SOBP: variants seen among roughly 807,000 people sequenced by gnomAD.
SOBP encodes the protein sine oculis-binding protein homolog.
SOBP carries 4 observed loss-of-function variants against 53.6 expected under a neutral mutation model. The ratio of observed to expected loss-of-function variants is 0.07; its 90% confidence interval spans 0.04 to 0.17. The LOEUF is 0.17. SOBP is among the 10% of genes least tolerant of loss of function. The pLI, the probability that SOBP is intolerant of heterozygous loss-of-function variation, is 1.00. For synonymous variants in SOBP, 584 were observed against 522.6 expected, an observed-to-expected ratio of 1.12 and a Z score of -1.60; for missense variants, 1,088 against 1,204.7, an observed-to-expected ratio of 0.90 and a Z score of 1.43.
At chr6:107,508,040 AT>A (rs1319542490) in intron 3 of SOBP, among the ~76,000 whole-genome samples, 1 of 152,170 alleles carries the variant, frequency 6.6e-6, no homozygotes, top group Non-Finnish European at 1.5e-5. Context: ...ATTTTTCTGT[AT>A]GTTGAATTGA....
At chr6:107,581,021 G>A (rs973149926) in intron 4 of SOBP, among the ~76,000 whole-genome samples, 55 of 152,294 alleles carry the variant, frequency 3.6e-4, no homozygotes, top group African/African-American at 1.2e-3. Flanking sequence ...TTATTCATTC[G>A]CTCACTCGGT....
At chr6:107,655,720 AGG>A (rs1772004587) in intron 6 of SOBP, among the ~76,000 whole-genome samples, 1 of 152,202 alleles carries the variant, frequency 6.6e-6, no homozygotes, top group African/African-American at 2.4e-5. Context: ...GCTGTAGTTA[AGG>A]TTCCAGAATG....
intron 3 of SOBP, among the ~76,000 whole-genome samples, chr6:107,524,563 C>G (rs1296324488): frequency 6.6e-6 from 1 of 152,230 alleles, no homozygotes; most frequent in Non-Finnish European, 1.5e-5. Flanking sequence ...ATTGCCTTCT[C>G]TGTATTTGAT....
chr6:107,502,187 G>A (rs987986512), intron 1 of SOBP, among the ~76,000 whole-genome samples: 5 of 152,202 alleles, frequency 3.3e-5, no homozygotes, highest in South Asian at 2.1e-4. Context: ...AAGAAAACAC[G>A]GAACTCACAC....
Position 107,635,493 on chromosome 6 carries a change from C to T in SOBP, c.*3+24C>T, listed in dbSNP as rs369251274. 1.2e-4 allele frequency: 186 copies of T among 1,611,056 alleles called. No homozygotes were observed. The African/African-American group carries it at 2.4e-3, about 21-fold the overall frequency. On this transcript the variant is annotated intron_variant, in intron 6 of 6. Coordinates refer to ENST00000317357, the MANE Select transcript of SOBP (RefSeq NM_018013.4). This position sits in a 1 kb window ranked among gnomAD's most constrained non-coding sequence, Gnocchi z 4.5. ...AGGTTTGTATGTCCGCCGGGCGCTC[C>T]TCCACACCAGCCAGTGCACCTCTCC...
intron 6 of SOBP, chr6:107,636,465 A>G (rs1771048031): frequency 6.6e-6 from 1 of 152,254 alleles, no homozygotes. Flanking sequence ...AAGGAGGCAG[A>G]TGAAGCTTAG....
chr6:107,506,371 G>A lies in SOBP; in HGVS notation c.365G>A (p.Gly122Asp), dbSNP rs774226437. The A allele has an allele frequency of 2.5e-6, 4 of 1,614,084 alleles. No individual in the cohort carries two copies. Among genetic ancestry groups the A allele is most frequent in the Non-Finnish European group, 3.4e-6 (4 of 1,180,036 alleles). The change falls in exon 3 of 7, where the codon GGC becomes GAC. Residue 122 changes from glycine (G) to aspartate (D), a missense_variant. Physicochemically the swap from Gly to Asp is moderately conservative, Grantham distance 94 (BLOSUM62 -1). This residue lies in a region of SOBP where 112 missense variants were observed against 117.9 expected (regional missense o/e 0.95). Coordinates refer to ENST00000317357, the MANE Select transcript of SOBP (RefSeq NM_018013.4). ...TCACCTGCAGGGTCAAAGGATCATG[G>A]CAGTGTGCCCATTATTGTACCTTTA... ...SDSPAGSKDH[G>D]SVPIIVPLIP...
intron 3 of SOBP, among the ~76,000 whole-genome samples, chr6:107,507,767 T>C (rs956708493): frequency 6.6e-6 from 1 of 152,328 alleles, no homozygotes; most frequent in Admixed American, 6.5e-5. Flanking sequence ...TTCTAATTCC[T>C]GGAAAGCTCT....
In SOBP at chr6:107,579,866, C is replaced by T. The variant is rs532199114; in HGVS notation, c.574-7214C>T. Among the ~76,000 whole-genome samples the T allele has an allele frequency of 2.6e-5, 4 of 152,226 alleles. No individual in the cohort carries two copies. The East Asian group carries it at 7.7e-4, about 29-fold the overall frequency. On this transcript the variant is annotated intron_variant, in intron 4 of 6. Coordinates refer to ENST00000317357, the MANE Select transcript of SOBP (RefSeq NM_018013.4). Reference sequence around the variant, plus strand: ...GCTGCAGCAAATAAGTCCATCTCATCCATCAGAGGTGTGTGAGCTGTCAGA... The same window carrying T: ...GCTGCAGCAAATAAGTCCATCTCATTCATCAGAGGTGTGTGAGCTGTCAGA...
intron 4 of SOBP, among the ~76,000 whole-genome samples, chr6:107,579,365 C>T (rs1312172574): frequency 2.0e-5 from 3 of 152,120 alleles, no homozygotes; most frequent in African/African-American, 7.2e-5. Context: ...CTCAGGTGAC[C>T]TGAGAAAGAG....
At chr6:107,597,008 C>T (rs1282045539) in intron 5 of SOBP, among the ~76,000 whole-genome samples, 1 of 152,128 alleles carries the variant, frequency 6.6e-6, no homozygotes, top group Non-Finnish European at 1.5e-5. Context: ...TTTTGGTGTT[C>T]TGATCTCATT....
intron 3 of SOBP, among the ~76,000 whole-genome samples, chr6:107,530,451 G>A (rs1427273197): frequency 6.6e-6 from 1 of 152,038 alleles, no homozygotes; most frequent in African/African-American, 2.4e-5. Flanking sequence ...ACCATCTCAT[G>A]TCTGATGACA....
At chr6:107,545,135 T>C (rs577438560) in intron 4 of SOBP, among the ~76,000 whole-genome samples, 4 of 152,320 alleles carry the variant, frequency 2.6e-5, no homozygotes, top group African/African-American at 9.6e-5. Context: ...GTGTAATTAC[T>C]GTCTGATGAA....
At chr6:107,602,975 A>C (rs978494844) in intron 5 of SOBP, among the ~76,000 whole-genome samples, 2 of 151,152 alleles carry the variant, frequency 1.3e-5, no homozygotes, top group Non-Finnish European at 2.9e-5. Context: ...TCCCCCACAA[A>C]AAAAAAAAAC....
At chr6:107,491,492 G>A (rs976465425) in intron 1 of SOBP, among the ~76,000 whole-genome samples, 2 of 152,276 alleles carry the variant, frequency 1.3e-5, no homozygotes, top group African/African-American at 4.8e-5. Flanking sequence ...TGCACCAGAG[G>A]TGGAGAGCGC....
chr6:107,490,711 A>ACCCACC lies in SOBP; in HGVS notation c.95_96insCCCACC (p.Lys32delinsAsnProPro). 1 of 1,598,202 alleles carries ACCCACC rather than the reference A, an allele frequency of 6.3e-7. No homozygotes were observed. ...AAAAGGGAGATCAATGAGGAGATGA[A>ACCCACC]GGTATTTTTTGATCTCGGGGGCCAG... On this transcript the variant is annotated protein_altering_variant and splice_region_variant, in exon 1 of 7. Transcript: ENST00000317357.
At chr6:107,545,531 A>G (rs534476817) in intron 4 of SOBP, among the ~76,000 whole-genome samples, 1 of 152,324 alleles carries the variant, frequency 6.6e-6, no homozygotes, top group South Asian at 2.1e-4. Context: ...ACCTAAAGTC[A>G]TGATGACAAC....
intron 4 of SOBP, among the ~76,000 whole-genome samples, chr6:107,544,468 C>T (rs368744224): frequency 6.6e-5 from 10 of 152,274 alleles, no homozygotes; most frequent in East Asian, 5.8e-4. Context: ...AATGTGAAGT[C>T]GTCACTGTGG....
Position 107,490,575 on chromosome 6 carries a change from G to T in SOBP, c.-42G>T. ...CGCCGCCACCACCACCGCCGGCGGCGGCAGCAGCCATTTCATCTCCACAGA... is the reference window on the plus strand; with the variant it reads ...CGCCGCCACCACCACCGCCGGCGGCTGCAGCAGCCATTTCATCTCCACAGA... On this transcript the variant is annotated 5_prime_UTR_variant, in exon 1 of 7. Transcript: ENST00000317357. 1 of 1,486,226 alleles carries T rather than the reference G, an allele frequency of 6.7e-7. No homozygotes were observed. The highest frequency in any genetic ancestry group is 9.2e-7 in the Non-Finnish European group (1 of 1,083,174). 92.1% of individuals were successfully genotyped at this position (1,486,226 alleles called of 1,614,324 possible). A position where few individuals can be genotyped will look rare whatever the true frequency, so the allele number is the denominator to read the frequency against.
Sources: gnomAD v4.1 joint callset for allele counts (sites outside exome capture counted in the v4.1 genomes callset) on GRCh38, gnomAD v4.1.1 for gene constraint, gnomAD v4.1.1 regional missense constraint, Gnocchi (gnomAD v3.1) non-coding constraint, MANE v1.5 for transcripts, NCBI Gene and HGNC (gene_info 2026-07-23, HGNC 2026-07-21) for gene names.